The following SORCS2 variants were observed in gnomAD, a reference collection of about 807,000 sequenced individuals.
The protein encoded by SORCS2 is sortilin related VPS10 domain containing receptor 2.
In SORCS2, 100 loss-of-function variants were observed where a neutral mutation model predicts 141.6. The observed-to-expected ratio is 0.71, with a 90% confidence interval of 0.60 to 0.83. The LOEUF is 0.83. SORCS2 is among the 40% of genes least tolerant of loss of function. The pLI, the probability that SORCS2 is intolerant of heterozygous loss-of-function variation, is 0.00. For missense variants in SORCS2, 1,646 were observed against 1,560.2 expected (o/e 1.05, Z -0.93); for synonymous variants, 789 against 676.9 (o/e 1.17, Z -2.57).
Position 7,657,863 on chromosome 4 carries a change from T to C in SORCS2, c.888-3637T>C, listed in dbSNP as rs373091863. On this transcript the variant is annotated intron_variant, in intron 5 of 26. Transcript: ENST00000507866. ...GTGAGTGAGTGAATGAGTAAGTGAA[T>C]GAGTGAGTGAGTCACTGAGTGAATG... Among the ~76,000 whole-genome samples the C allele has an allele frequency of 1.1e-3, 167 of 151,646 alleles. 1 individual carries two copies. The South Asian group carries it at 0.032, about 29-fold the overall frequency.
intron 1 of SORCS2, among the ~76,000 whole-genome samples, chr4:7,258,391 G>A (rs1025200504): frequency 2.0e-5 from 3 of 152,182 alleles, no homozygotes; most frequent in Non-Finnish European, 4.4e-5. Flanking sequence ...GTGAGAACAT[G>A]CGGTGTTTGG....
chr4:7,298,543 T>G (rs1386461509), intron 1 of SORCS2, among the ~76,000 whole-genome samples: 1 of 152,116 alleles, frequency 6.6e-6, no homozygotes, highest in East Asian at 1.9e-4. Flanking sequence ...AGAGCAGGCT[T>G]CTTTGTGGAC....
At chr4:7,396,552 T>C (rs897391152) in intron 2 of SORCS2, among the ~76,000 whole-genome samples, 197 bp downstream of exon 2, 2 of 152,246 alleles carry the variant, frequency 1.3e-5, no homozygotes, top group Admixed American at 6.5e-5. Flanking sequence ...GGGTATAAAC[T>C]GCACTGCAGA....
intron 3 of SORCS2, among the ~76,000 whole-genome samples, chr4:7,624,398 C>T (rs56836174): frequency 0.03 from 4,559 of 152,238 alleles, 209 homozygotes; most frequent in African/African-American, 0.1. Context: ...TTCATGGGAA[C>T]GATAAGGGAA....
intron 4 of SORCS2, among the ~76,000 whole-genome samples, chr4:7,639,425 T>TGC: frequency 2.0e-5 from 1 of 50,356 alleles, no homozygotes; most frequent in Non-Finnish European, 5.3e-5. Context: ...TGTGTGTGTG[T>TGC]ATGCACACTT....
intron 1 of SORCS2, among the ~76,000 whole-genome samples, chr4:7,368,169 G>C (rs542565655): frequency 9.8e-5 from 15 of 152,328 alleles, no homozygotes. Context: ...CCAAAACCGG[G>C]TGGCCATGAA....
Position 7,682,740 on chromosome 4 carries a change from C to T in SORCS2, c.1342-3C>T, listed in dbSNP as rs2108967866. 5 of 1,605,754 alleles carry T rather than the reference C, an allele frequency of 3.1e-6. No homozygotes were observed. Among genetic ancestry groups the T allele is most frequent in the Middle Eastern group, 1.7e-4 (1 of 6,032 alleles). ...TACAGTCCTTCTTTTATTTTTGTCC[C>T]AGGTCAGAGGGGTGAAAGGAGTCTT... On this transcript the variant is annotated splice_region_variant and splice_polypyrimidine_tract_variant and intron_variant, in intron 9 of 26. Coordinates refer to ENST00000507866, the MANE Select transcript of SORCS2 (RefSeq NM_020777.3).
chr4:7,273,613 TGA>T (rs1715282073), intron 1 of SORCS2, among the ~76,000 whole-genome samples: 2 of 152,182 alleles, frequency 1.3e-5, no homozygotes, highest in Non-Finnish European at 2.9e-5. Flanking sequence ...GCACCCCTAC[TGA>T]GAGACTGAAG....
At position 7,734,850 on chromosome 4, in the gene SORCS2, G is replaced by A. The variant is rs564528386; in HGVS notation, c.3311+476G>A. On this transcript the variant is annotated intron_variant, in intron 25 of 26. Transcript: ENST00000507866. ...CCCTCGAGAGCACTTGAGAGCTGCT[G>A]AGCTTCCTGCCAGGCGCTCCCGTGG... Among the ~76,000 whole-genome samples the A allele has an allele frequency of 8.5e-5, 13 of 152,344 alleles. No homozygotes were observed. The South Asian group carries it at 2.7e-3, about 32-fold the overall frequency.
chr4:7,687,761 C>G (rs554020010), intron 10 of SORCS2, among the ~76,000 whole-genome samples: 1 of 152,164 alleles, frequency 6.6e-6, no homozygotes, highest in Non-Finnish European at 1.5e-5. Context: ...CTTTCAAATG[C>G]ATAGTTCAGT....
At chr4:7,259,330 G>A (rs1714153021) in intron 1 of SORCS2, among the ~76,000 whole-genome samples, 1 of 152,196 alleles carries the variant, frequency 6.6e-6, no homozygotes, top group South Asian at 2.1e-4. Context: ...CCATGACTGG[G>A]GGATTTGAAC....
intron 2 of SORCS2, among the ~76,000 whole-genome samples, chr4:7,504,849 G>A (rs761551750): frequency 2.0e-5 from 3 of 152,204 alleles, no homozygotes; most frequent in Non-Finnish European, 4.4e-5. Context: ...GCTGGGACCC[G>A]ACTGTTGGGG....
intron 3 of SORCS2, among the ~76,000 whole-genome samples, chr4:7,537,699 A>G (rs981118285): frequency 1.3e-5 from 2 of 152,190 alleles, no homozygotes; most frequent in Non-Finnish European, 2.9e-5. Flanking sequence ...CTCTGCTGCA[A>G]GTTTATAGAA....
At chr4:7,376,392 C>T (rs6816677) in intron 1 of SORCS2, among the ~76,000 whole-genome samples, 96,587 of 151,254 alleles carry the variant, frequency 0.64, 31,520 homozygotes, top group East Asian at 0.94. Context: ...GCCTGGCCAA[C>T]AGGGTGAAAC....
At chr4:7,579,840 G>A (rs1266696608) in intron 3 of SORCS2, among the ~76,000 whole-genome samples, 1 of 152,074 alleles carries the variant, frequency 6.6e-6, no homozygotes, top group Non-Finnish European at 1.5e-5. Context: ...AATTATACAC[G>A]TAGAAAGAAG....
chr4:7,312,156 T>C (rs1279427417), intron 1 of SORCS2, among the ~76,000 whole-genome samples: 1 of 152,224 alleles, frequency 6.6e-6, no homozygotes, highest in African/African-American at 2.4e-5. Context: ...ATTATAGGCA[T>C]GAGCCACCGC....
rs1009011274 is a variant in SORCS2 at position 7,663,151 on chromosome 4, AGAGTGAGT to A, written c.953-1195_953-1188del. Among the ~76,000 whole-genome samples the A allele has an allele frequency of 6.6e-6, 1 of 151,368 alleles. No homozygotes were observed. The highest frequency in any genetic ancestry group is 2.4e-5 in the African/African-American group (1 of 41,024). On this transcript the variant is annotated intron_variant, in intron 6 of 26. Transcript: ENST00000507866. This position sits in a 1 kb window ranked among gnomAD's most constrained non-coding sequence, Gnocchi z 4.8. The stretch of plus-strand genomic sequence containing the variant: ...GTGAATAAGTGAGTGAGTAATTGAA[AGAGTGAGT>A]GAGTGAATGAGTGATGAGTGAATGA...
chr4:7,344,597 G>A (rs1484440339), intron 1 of SORCS2, among the ~76,000 whole-genome samples: 4 of 152,224 alleles, frequency 2.6e-5, no homozygotes, highest in Non-Finnish European at 4.4e-5. Context: ...TCCTTGCATG[G>A]GAGAGGATAG....
In SORCS2 at chr4:7,592,338, G is replaced by A. The variant is rs557367976; in HGVS notation, c.649-45990G>A. On this transcript the variant is annotated intron_variant, in intron 3 of 26. Coordinates refer to ENST00000507866, the MANE Select transcript of SORCS2 (RefSeq NM_020777.3). ...GGCCGGTTCTACAGTTGCCTTACTC[G>A]CCCTGGTGACTGCAGTAATGAGCTT... Among the ~76,000 whole-genome samples, 55 of 152,136 alleles carry A rather than the reference G, an allele frequency of 3.6e-4. 1 individual carries two copies. Among genetic ancestry groups the A allele is most frequent in the South Asian group, 2.9e-3 (14 of 4,810 alleles).
Sources: gnomAD v4.1 joint callset for allele counts (sites outside exome capture counted in the v4.1 genomes callset) on GRCh38, gnomAD v4.1.1 for gene constraint, Gnocchi (gnomAD v3.1) non-coding constraint, MANE v1.5 for transcripts, NCBI Gene and HGNC (gene_info 2026-07-23, HGNC 2026-07-21) for gene names.